The following EXTL1 variants were observed in gnomAD, a reference collection of about 807,000 sequenced individuals.
EXTL1 encodes the protein exostosin like glycosyltransferase 1.
EXTL1 carries 43 observed loss-of-function variants against 64.6 expected under a neutral mutation model. The observed-to-expected ratio is 0.67, with a 90% CI of 0.52 to 0.86. The LOEUF (loss-of-function observed/expected upper bound fraction) is 0.86, where lower values mean the gene tolerates loss of function less well. Among genes scored for constraint, EXTL1 ranks in the 40% least tolerant of loss-of-function variants. EXTL1 has a pLI of 0.00. For missense variants in EXTL1, 766 were observed against 879.0 expected (o/e 0.87, Z 1.62); for synonymous variants, 352 against 360.5 (o/e 0.98, Z 0.27).
chr1:26,026,153 C>T (rs376870224), intron 1 of EXTL1, among the ~76,000 whole-genome samples: 24 of 149,408 alleles, frequency 1.6e-4, no homozygotes, highest in African/African-American at 4.7e-4. Context: ...GTGAGAGGAT[C>T]GCTTGAGCCC....
Position 26,029,702 on chromosome 1 carries a change from C to A in EXTL1, c.976C>A (p.Leu326Ile), listed in dbSNP as rs767190152. 1 of 1,605,550 alleles carries A rather than the reference C, an allele frequency of 6.2e-7. No individual in the cohort carries two copies. The highest frequency in any genetic ancestry group is 1.7e-5 in the Admixed American group (1 of 59,758). ...AAIVADERLP[L>I]QVLAALQEMS... ...CATCGTAGCTGATGAGAGGCTCCCA[C>A]TTCAGGTAGCTCAGAGCCCTGCCCA... Residue 326 changes from leucine (L) to isoleucine (I), a missense_variant, in exon 3 of 11, where the codon CTT becomes ATT. This residue lies in a region of EXTL1 where 571 missense variants were observed against 647.6 expected (regional missense o/e 0.88). Transcript: ENST00000374280.
rs774476551 is a variant in EXTL1 at position 26,022,654 on chromosome 1, C to T, written c.8C>T (p.Ser3Leu). 3.8e-6 allele frequency: 6 copies of T among 1,593,388 alleles called. No homozygotes were observed. Among genetic ancestry groups the T allele is most frequent in the African/African-American group, 1.3e-5 (1 of 74,624 alleles). The change falls in exon 1 of 11, where the codon TCG becomes TTG. Residue 3 changes from serine (S) to leucine (L), a missense_variant. Physicochemically the swap from Ser to Leu is moderately radical, Grantham distance 145. Coordinates refer to ENST00000374280, the MANE Select transcript of EXTL1 (RefSeq NM_004455.3). MQ[S>L]WRRRKSLWLA... The stretch of plus-strand genomic sequence containing the variant: ...CTGACTGTGGGTGGCCACATGCAGT[C>T]GTGGAGGAGAAGAAAGTCCCTGTGG...
Position 26,033,947 on chromosome 1 carries a change from AGGG to A in EXTL1, c.1679+92_1679+94del. ...AACGGAGCAGAGTGGCCTAGACCCC[AGGG>A]ATCCAGGTTCAAGGCCGAGATCTGC... On this transcript the variant is annotated intron_variant, in intron 9 of 10. Transcript: ENST00000374280. The surrounding 1 kb of genome is among the most constrained non-coding windows in gnomAD (Gnocchi z 5.1). 1 of 1,163,776 alleles carries A rather than the reference AGGG, an allele frequency of 8.6e-7. No individual in the cohort carries two copies. Among genetic ancestry groups the A allele is most frequent in the Non-Finnish European group, 1.1e-6 (1 of 883,496 alleles). The allele number at this position is 1,163,776 out of a possible 1,614,324, so 72.1% of individuals were successfully genotyped here. A position where few individuals can be genotyped will look rare whatever the true frequency, so the allele number is the denominator to read the frequency against.
rs948930823 is a variant in EXTL1 at position 26,022,491 on chromosome 1, G to A, written c.-156G>A. The A allele has an allele frequency of 3.7e-5, 23 of 620,618 alleles. No homozygotes were observed. The highest frequency in any genetic ancestry group is 3.1e-4 in the East Asian group (11 of 35,516). 38.4% of individuals were successfully genotyped at this position (620,618 alleles called of 1,614,324 possible). A position where few individuals can be genotyped will look rare whatever the true frequency, so the allele number is the denominator to read the frequency against. On this transcript the variant is annotated 5_prime_UTR_variant, in exon 1 of 11. Coordinates refer to ENST00000374280, the MANE Select transcript of EXTL1 (RefSeq NM_004455.3). ...ACTCACTATCTGACCTTAGACAGGC[G>A]GCCTGGTCTCGATGGGCCTCAGTCT...
At position 26,023,337 on chromosome 1, in the gene EXTL1, G is replaced by C; in HGVS notation, c.691G>C (p.Glu231Gln). 1 of 1,518,414 alleles carries C rather than the reference G, an allele frequency of 6.6e-7. No homozygotes were observed. The highest frequency in any genetic ancestry group is 8.8e-7 in the Non-Finnish European group (1 of 1,131,978). The allele number at this position is 1,518,414 out of a possible 1,614,324, so 94.1% of individuals were successfully genotyped here. A position where few individuals can be genotyped will look rare whatever the true frequency, so the allele number is the denominator to read the frequency against. ...CGGGGTAGCCCTGCTAGCCCTGGAA[G>C]AGGAGAGGGGTGGGTGGCGCACAGC... ...QPGVALLALE[E>Q]ERGGWRTADT... Residue 231 changes from glutamate to glutamine, a missense_variant, in exon 1 of 11, where the codon GAG (glutamate) becomes CAG (glutamine). Glu to Gln is a conservative substitution (Grantham distance 29, BLOSUM62 2). Around this residue, in one of 3 missense-constraint regions of EXTL1, gnomAD observed 571 missense variants for 647.6 expected, o/e 0.88. Transcript: ENST00000374280.
chr1:26,035,167 G>A lies in EXTL1; in HGVS notation c.1851G>A (p.Ala617=). 7.5e-6 allele frequency: 12 copies of A among 1,600,786 alleles called. No individual in the cohort carries two copies. The highest frequency in any genetic ancestry group is 1.0e-5 in the Non-Finnish European group (12 of 1,172,536). The change falls in exon 11 of 11, where the codon GCG becomes GCA. Residue 617 remains alanine (A), a splice_region_variant and synonymous_variant. Transcript: ENST00000374280. The surrounding 1 kb of genome is among the most constrained non-coding windows in gnomAD (Gnocchi z 5.3). ...TGCATTGCTTCTTTCCCTCTTAGGCGCCTGGGGGCCCGGGGCCCAGGCCAA... is the reference window on the plus strand; with the variant it reads ...TGCATTGCTTCTTTCCCTCTTAGGCACCTGGGGGCCCGGGGCCCAGGCCAA... The part of the protein sequence containing the change: ...GKQRQEAAPL[A]PGGPGPRPKP...
chr1:26,026,834 G>A (rs1486806050), intron 1 of EXTL1, among the ~76,000 whole-genome samples: 1 of 152,180 alleles, frequency 6.6e-6, no homozygotes, highest in African/African-American at 2.4e-5. Context: ...CATGGTCACA[G>A]AAGCCTAAGA....
Position 26,030,399 on chromosome 1 carries a change from T to C in EXTL1, c.982-77T>C, listed in dbSNP as rs551994580. 1.0e-3 allele frequency: 1,306 copies of C among 1,275,214 alleles called. 2 individuals carry two copies. The highest frequency in any genetic ancestry group is 1.2e-3 in the Non-Finnish European group (1,067 of 921,238). The allele number at this position is 1,275,214 out of a possible 1,614,324, so 79.0% of individuals were successfully genotyped here. On this transcript the variant is annotated intron_variant, in intron 3 of 10. Coordinates refer to ENST00000374280, the MANE Select transcript of EXTL1 (RefSeq NM_004455.3). The stretch of plus-strand genomic sequence containing the variant: ...TCAGGCTGGAGTGCAGTGGCACGAA[T>C]ATGGCTCACTGCAGCGTCGACCTCC...
In EXTL1 at chr1:26,034,752, G is replaced by A. The variant is rs1434770524; in HGVS notation, c.1680-84G>A. On this transcript the variant is annotated intron_variant, in intron 9 of 10. Transcript: ENST00000374280. This position sits in a 1 kb window ranked among gnomAD's most constrained non-coding sequence, Gnocchi z 4.6. ...AGAGGCTTGGGGATGGGGGTCAAAG[G>A]GAGAGGTGAGGTCAGGAGGGAGGAG... 1.4e-6 allele frequency: 2 copies of A among 1,397,628 alleles called. No individual in the cohort carries two copies. The highest frequency in any genetic ancestry group is 4.6e-5 in the East Asian group (2 of 43,496). The allele number at this position is 1,397,628 out of a possible 1,614,324, so 86.6% of individuals were successfully genotyped here.
chr1:26,027,373 G>A (rs1362112099), intron 1 of EXTL1, among the ~76,000 whole-genome samples: 1 of 152,156 alleles, frequency 6.6e-6, no homozygotes, highest in Non-Finnish European at 1.5e-5. Context: ...GAGGTGCTGT[G>A]AGAATGAACT....
rs759368422 is a variant in EXTL1 at position 26,035,282 on chromosome 1, C to G, written c.1966C>G (p.Pro656Ala). ...PLLSSRLRLD[P>A]VLFKDPVSVQ... ...GCTGTCCTCTCGTCTGCGTCTGGAC[C>G]CGGTGCTGTTTAAGGACCCGGTGTC... The change falls in exon 11 of 11, where the codon CCG becomes GCG. Residue 656 changes from proline (P) to alanine (A), a missense_variant. This residue lies in a region of EXTL1 where 194 missense variants were observed against 214.5 expected (regional missense o/e 0.90). Coordinates refer to ENST00000374280, the MANE Select transcript of EXTL1 (RefSeq NM_004455.3). The surrounding 1 kb of genome is among the most constrained non-coding windows in gnomAD (Gnocchi z 5.3). 2 of 1,613,622 alleles carry G rather than the reference C, an allele frequency of 1.2e-6. No homozygotes were observed. The highest frequency in any genetic ancestry group is 1.7e-5 in the Admixed American group (1 of 60,026).
rs553541620 is a variant in EXTL1 at position 26,034,936 on chromosome 1, G to A, written c.1780G>A (p.Ala594Thr). ...CVDVLMNFIV[A>T]AVTKLPPIKV... is the part of the protein sequence containing the mutation. The stretch of plus-strand genomic sequence containing the variant: ...GGACGTCCTGATGAATTTCATAGTA[G>A]CAGCAGTCACCAAGCTGCCCCCTAT... Residue 594 changes from alanine (A) to threonine (T), a missense_variant, in exon 10 of 11, where the codon GCA becomes ACA. This residue lies in a region of EXTL1 where 194 missense variants were observed against 214.5 expected (regional missense o/e 0.90). Coordinates refer to ENST00000374280, the MANE Select transcript of EXTL1 (RefSeq NM_004455.3). The surrounding 1 kb of genome is among the most constrained non-coding windows in gnomAD (Gnocchi z 4.6). 7 of 1,614,200 alleles carry A rather than the reference G, an allele frequency of 4.3e-6. No homozygotes were observed. The African/African-American group carries it at 6.7e-5, about 15-fold the overall frequency.
chr1:26,034,904 C>A lies in EXTL1; in HGVS notation c.1748C>A (p.Thr583Asn), dbSNP rs369430356. 9 of 1,614,208 alleles carry A rather than the reference C, an allele frequency of 5.6e-6. No individual in the cohort carries two copies. In the African/African-American group the frequency reaches 1.2e-4, roughly 22 times the overall value. ...AGGACCCTGGCAGATGAGGCACCCA[C>A]CTGTGTGGACGTCCTGATGAATTTC... The part of the protein sequence containing the change: ...ALRTLADEAP[T>N]CVDVLMNFIV... The change falls in exon 10 of 11, where the codon ACC becomes AAC. Residue 583 changes from threonine to asparagine, a missense_variant. Thr to Asn is a moderately conservative substitution (Grantham distance 65). Around this residue, in one of 3 missense-constraint regions of EXTL1, gnomAD observed 194 missense variants for 214.5 expected, o/e 0.90. Transcript: ENST00000374280. This position sits in a 1 kb window ranked among gnomAD's most constrained non-coding sequence, Gnocchi z 4.6.
rs755801765 is a variant in EXTL1, at chr1:26,022,903, T to C, written c.257T>C (p.Phe86Ser). ...HGGSCNWESC[F>S]DTSKCRGDGL... ...GGCAGCTGCAACTGGGAATCTTGCT[T>C]TGATACCTCAAAGTGCAGGGGCGAT... Residue 86 changes from phenylalanine (F) to serine (S), a missense_variant, in exon 1 of 11, where the codon TTT becomes TCT. Phe to Ser is a radical substitution (Grantham distance 155). This residue lies in a region of EXTL1 where 571 missense variants were observed against 647.6 expected (regional missense o/e 0.88). Transcript: ENST00000374280. The C allele has an allele frequency of 6.8e-6, 11 of 1,614,102 alleles. No individual in the cohort carries two copies. Among genetic ancestry groups the C allele is most frequent in the African/African-American group, 2.7e-5 (2 of 75,054 alleles).
intron 1 of EXTL1, among the ~76,000 whole-genome samples, chr1:26,028,854 G>A (rs896912206): frequency 3.3e-5 from 5 of 152,210 alleles, no homozygotes; most frequent in African/African-American, 1.2e-4. Flanking sequence ...GTCAGGCAGG[G>A]CCTCGGAAAC....
In EXTL1 at chr1:26,022,871, T is replaced by G. The variant is rs1221158666; in HGVS notation, c.225T>G (p.Pro75=). The change falls in exon 1 of 11, where the codon CCT becomes CCG. Residue 75 remains proline, a synonymous_variant. Coordinates refer to ENST00000374280, the MANE Select transcript of EXTL1 (RefSeq NM_004455.3). ...ATGCCGTTTCACCTCCTCAAGCCCCTCATGGTGGCAGCTGCAACTGGGAAT... is the reference window on the plus strand; with the variant it reads ...ATGCCGTTTCACCTCCTCAAGCCCCGCATGGTGGCAGCTGCAACTGGGAAT... ...PEDAVSPPQA[P]HGGSCNWESC... The G allele has an allele frequency of 6.2e-7, 1 of 1,613,866 alleles. No individual in the cohort carries two copies. The highest frequency in any genetic ancestry group is 1.1e-5 in the South Asian group (1 of 91,052).
In EXTL1 at chr1:26,023,217, C is replaced by T. The variant is rs199660346; in HGVS notation, c.571C>T (p.Arg191Trp). 7.2e-4 allele frequency: 1,161 copies of T among 1,611,026 alleles called. 6 individuals are homozygous for T. Among genetic ancestry groups the T allele is most frequent in the Non-Finnish European group, 9.5e-5 (112 of 1,177,996 alleles). Residue 191 changes from arginine (R) to tryptophan (W), a missense_variant, in exon 1 of 11, where the codon CGG becomes TGG. Physicochemically the swap from Arg to Trp is moderately radical, Grantham distance 101. This residue lies in a region of EXTL1 where 571 missense variants were observed against 647.6 expected (regional missense o/e 0.88). Coordinates refer to ENST00000374280, the MANE Select transcript of EXTL1 (RefSeq NM_004455.3). Reference sequence around the variant, plus strand: ...GGCCAGCCCCACGGTGGACTCCTTCCGGCCCGGCTTTGATGTGGCCCTCCC... The same window carrying T: ...GGCCAGCCCCACGGTGGACTCCTTCTGGCCCGGCTTTGATGTGGCCCTCCC... ...AEASPTVDSF[R>W]PGFDVALPFL... is the part of the protein sequence containing the mutation.
rs766124862 is a variant in EXTL1, at chr1:26,031,309, C to G, written c.1234+45C>G. 1.9e-6 allele frequency: 3 copies of G among 1,596,250 alleles called. No individual in the cohort carries two copies. The South Asian group carries it at 3.3e-5, about 18-fold the overall frequency. Reference sequence around the variant, plus strand: ...CAACCTGAAGTCCCCTCAGCTCTACCCAGGGCTGCCCCAGCCTCATCTGGA... The same window carrying G: ...CAACCTGAAGTCCCCTCAGCTCTACGCAGGGCTGCCCCAGCCTCATCTGGA... On this transcript the variant is annotated intron_variant, in intron 5 of 10. Coordinates refer to ENST00000374280, the MANE Select transcript of EXTL1 (RefSeq NM_004455.3).
intron 1 of EXTL1, among the ~76,000 whole-genome samples, chr1:26,024,334 C>T (rs1425764894): frequency 6.6e-6 from 1 of 152,172 alleles, no homozygotes; most frequent in Non-Finnish European, 1.5e-5. Flanking sequence ...AGGGTTCCTT[C>T]TGTATCCCAC....
Sources: gnomAD v4.1 joint callset for allele counts (sites outside exome capture counted in the v4.1 genomes callset) on GRCh38, gnomAD v4.1.1 for gene constraint, gnomAD v4.1.1 regional missense constraint, Gnocchi (gnomAD v3.1) non-coding constraint, MANE v1.5 for transcripts, NCBI Gene and HGNC (gene_info 2026-07-23, HGNC 2026-07-21) for gene names.